The following LRMDA variants were observed in gnomAD, a reference collection of about 807,000 sequenced individuals.
The protein encoded by LRMDA is leucine-rich melanocyte differentiation-associated protein.
Under a neutral mutation model 29.8 loss-of-function variants are expected in LRMDA, and 18 were observed. The ratio of observed to expected loss-of-function variants is 0.60; its 90% CI spans 0.42 to 0.90. The LOEUF (loss-of-function observed/expected upper bound fraction) is 0.90, where lower values mean the gene tolerates loss of function less well. LRMDA is among the 40% of genes least tolerant of loss of function. The pLI is 0.00. For missense variants in LRMDA, 273 were observed against 273.9 expected (o/e 1.00, Z 0.02); for synonymous variants, 125 against 109.4 (o/e 1.14, Z -0.89).
At chr10:75,564,062 G>T (rs1840337850) in intron 2 of LRMDA, among the ~76,000 whole-genome samples, 1 of 152,218 alleles carries the variant, frequency 6.6e-6, no homozygotes, top group Non-Finnish European at 1.5e-5. Flanking sequence ...TCTCTTCAAA[G>T]CTGTCAGACA....
At chr10:75,760,591 C>T (rs982690986) in intron 2 of LRMDA, among the ~76,000 whole-genome samples, 1 of 152,138 alleles carries the variant, frequency 6.6e-6, no homozygotes, top group East Asian at 1.9e-4. Context: ...CCACCACCAC[C>T]CTCCCCTGCC....
chr10:75,855,039 T>C (rs1415883738), intron 2 of LRMDA, among the ~76,000 whole-genome samples: 1 of 152,230 alleles, frequency 6.6e-6, no homozygotes, highest in Non-Finnish European at 1.5e-5. Flanking sequence ...CGTGTGCATG[T>C]GTCTTTATAG....
At chr10:76,302,062 C>A (rs1429790792) in intron 5 of LRMDA, among the ~76,000 whole-genome samples, 9 of 152,086 alleles carry the variant, frequency 5.9e-5, no homozygotes, top group Admixed American at 5.9e-4. Context: ...ATCTCTGTGG[C>A]GTTGTCTGAT....
chr10:75,799,521 T>C (rs1048569970), intron 2 of LRMDA, among the ~76,000 whole-genome samples: 1 of 152,112 alleles, frequency 6.6e-6, no homozygotes, highest in African/African-American at 2.4e-5. Context: ...TTTTTCTTTT[T>C]TTTTTTCTTT....
intron 2 of LRMDA, among the ~76,000 whole-genome samples, chr10:75,616,606 G>A (rs1033139984): frequency 3.3e-5 from 5 of 152,118 alleles, no homozygotes; most frequent in African/African-American, 1.2e-4. Context: ...CTTTAAACAT[G>A]TTTTGTATTA....
intron 5 of LRMDA, among the ~76,000 whole-genome samples, chr10:76,123,469 A>G (rs1849825814): frequency 6.6e-6 from 1 of 152,156 alleles, no homozygotes; most frequent in Admixed American, 6.5e-5. Context: ...TGATTGTGCC[A>G]CTGCACTCCA....
intron 2 of LRMDA, among the ~76,000 whole-genome samples, chr10:75,755,807 A>G (rs562370356): frequency 6.6e-6 from 1 of 152,304 alleles, no homozygotes; most frequent in South Asian, 2.1e-4. Flanking sequence ...GTGGTGTGCA[A>G]TGGGGTCAGC....
chr10:76,513,890 C>T lies in LRMDA; in HGVS notation c.602-43319C>T, dbSNP rs537237517. 4.6e-5 allele frequency among the ~76,000 whole-genome samples: 7 copies of T among 152,232 alleles called. No homozygotes were observed. The South Asian group carries it at 1.2e-3, about 27-fold the overall frequency. ...TATGCCACAGGGTGACTGTTTGTGACACAATGGCACCCAAAGGGTCCATGT... is the reference window on the plus strand; with the variant it reads ...TATGCCACAGGGTGACTGTTTGTGATACAATGGCACCCAAAGGGTCCATGT... On this transcript the variant is annotated intron_variant, in intron 6 of 6. Transcript: ENST00000611255.
intron 2 of LRMDA, among the ~76,000 whole-genome samples, chr10:75,933,879 C>T (rs1846244182): frequency 6.6e-6 from 1 of 152,158 alleles, no homozygotes; most frequent in African/African-American, 2.4e-5. Flanking sequence ...GACTGCTTAT[C>T]TCCCTCCTAG....
chr10:75,592,387 T>C (rs1840733989), intron 2 of LRMDA, among the ~76,000 whole-genome samples: 1 of 152,228 alleles, frequency 6.6e-6, no homozygotes, highest in Non-Finnish European at 1.5e-5. Context: ...TCAAACCTCA[T>C]CTGCTGCCCG....
intron 5 of LRMDA, among the ~76,000 whole-genome samples, chr10:76,305,484 A>G (rs916097801): frequency 1.1e-4 from 16 of 152,098 alleles, no homozygotes; most frequent in African/African-American, 3.6e-4. Context: ...CTAGAATGGG[A>G]TCTCCCACCC....
chr10:76,052,117 C>G (rs963126579), intron 4 of LRMDA, among the ~76,000 whole-genome samples: 5 of 152,222 alleles, frequency 3.3e-5, no homozygotes. Context: ...TCACAGATCA[C>G]CCACTGCTGC....
At chr10:76,542,887 GA>G (rs939499308) in intron 6 of LRMDA, among the ~76,000 whole-genome samples, 12 of 152,256 alleles carry the variant, frequency 7.9e-5, no homozygotes, top group African/African-American at 2.9e-4. Context: ...TTTCCTGAAG[GA>G]TCTAGTTATA....
intron 2 of LRMDA, among the ~76,000 whole-genome samples, chr10:75,866,454 A>T (rs911083214): frequency 3.3e-5 from 5 of 152,184 alleles, no homozygotes; most frequent in Non-Finnish European, 7.3e-5. Flanking sequence ...TGCAAACAAC[A>T]AGATGTAAAG....
At chr10:76,454,487 C>T (rs754938230) in intron 6 of LRMDA, among the ~76,000 whole-genome samples, 3 of 151,890 alleles carry the variant, frequency 2.0e-5, no homozygotes, top group Non-Finnish European at 4.4e-5. Context: ...AGCAGAGAAT[C>T]GAGACATAGT....
intron 6 of LRMDA, among the ~76,000 whole-genome samples, chr10:76,441,758 T>G (rs1254735152): frequency 6.6e-6 from 1 of 152,182 alleles, no homozygotes; most frequent in Non-Finnish European, 1.5e-5. Flanking sequence ...TCATTACACT[T>G]GGCATACACA....
intron 6 of LRMDA, among the ~76,000 whole-genome samples, chr10:76,454,263 T>G (rs562884848): frequency 6.6e-6 from 1 of 152,160 alleles, no homozygotes; most frequent in African/African-American, 2.4e-5. Flanking sequence ...GGTGATTGCA[T>G]TGAGGATTCT....
At chr10:76,429,236 T>C (rs71475605) in intron 6 of LRMDA, among the ~76,000 whole-genome samples, 5,436 of 152,254 alleles carry the variant, frequency 0.036, 167 homozygotes, top group Non-Finnish European at 0.054. Flanking sequence ...TGTCATGGAC[T>C]TAGCTCACCT....
intron 6 of LRMDA, among the ~76,000 whole-genome samples, chr10:76,515,385 T>C (rs138360064): frequency 1.3e-5 from 2 of 152,344 alleles, no homozygotes; most frequent in East Asian, 3.9e-4. Flanking sequence ...ATATGATTAT[T>C]TGGGGCAAAT....
Sources: allele counts gnomAD v4.1 joint callset (sites outside exome capture counted in the v4.1 genomes callset), GRCh38; gene constraint gnomAD v4.1.1; transcripts MANE v1.5; gene names NCBI Gene and HGNC (gene_info 2026-07-23, HGNC 2026-07-21).